SLC35A3: variants seen among roughly 807,000 people sequenced by gnomAD.
SLC35A3 encodes the protein solute carrier family 35 member A3, also known as UDP-N-acetylglucosamine transporter.
In SLC35A3, 26 loss-of-function variants were observed where a neutral mutation model predicts 39.0. That is an observed-to-expected ratio of 0.67 (90% confidence interval 0.49 to 0.92). SLC35A3 has a LOEUF of 0.92. Among genes scored for constraint, SLC35A3 ranks in the 40% least tolerant of loss-of-function variants. The pLI, the probability that SLC35A3 is intolerant of heterozygous loss-of-function variation, is 0.00. For missense variants in SLC35A3, 299 were observed against 371.6 expected (o/e 0.80, Z 1.61); for synonymous variants, 135 against 133.1 (o/e 1.01, Z -0.10).
chr1:99,986,238 C>T (rs1484902197), intron 1 of SLC35A3, among the ~76,000 whole-genome samples: 1 of 147,806 alleles, frequency 6.8e-6, no homozygotes, highest in African/African-American at 2.5e-5. Flanking sequence ...CACCATGGTT[C>T]ACTGCAGCCT....
Position 100,031,313 on chromosome 1 carries a change from T to C in SLC35A3, c.*8837T>C, listed in dbSNP as rs1303564323. 1 of 152,192 alleles carries C rather than the reference T, an allele frequency of 6.6e-6. No homozygotes were observed. The highest frequency in any genetic ancestry group is 6.5e-5 in the Admixed American group (1 of 15,276). The allele number at this position is 152,192 out of a possible 1,614,324, so 9.4% of individuals were successfully genotyped here. A position where few individuals can be genotyped will look rare whatever the true frequency, so the allele number is the denominator to read the frequency against. ...TATACCACCTAAATCCAACCATTAT[T>C]AACATTTTGCCACACTAGCTTTATC... On this transcript the variant is annotated 3_prime_UTR_variant, in exon 8 of 8. Coordinates refer to ENST00000533028, the MANE Select transcript of SLC35A3 (RefSeq NM_012243.3).
chr1:99,979,343 A>T (rs1257823835), intron 1 of SLC35A3, among the ~76,000 whole-genome samples: 1 of 151,628 alleles, frequency 6.6e-6, no homozygotes, highest in Admixed American at 6.6e-5. Flanking sequence ...CATCACTCTA[A>T]TATCACAGGA....
intron 1 of SLC35A3, among the ~76,000 whole-genome samples, chr1:99,975,404 A>G (rs569101223): frequency 7.0e-4 from 106 of 152,240 alleles, no homozygotes; most frequent in Non-Finnish European, 1.3e-3. Flanking sequence ...TGAATAGAAG[A>G]AGGAAATGTA....
intron 1 of SLC35A3, among the ~76,000 whole-genome samples, chr1:99,988,663 G>A (rs1303526899): frequency 6.7e-5 from 7 of 104,524 alleles, no homozygotes; most frequent in African/African-American, 1.1e-4. Flanking sequence ...CCCTCCTCTC[G>A]TTTCTTCCCA....
intron 1 of SLC35A3, among the ~76,000 whole-genome samples, chr1:99,971,795 G>A (rs1016833095): frequency 1.3e-5 from 2 of 152,122 alleles, no homozygotes; most frequent in African/African-American, 4.8e-5. Flanking sequence ...CTTCCTTGCT[G>A]TCTTTGTAGA....
At chr1:99,997,927 G>T (rs1271690946) in intron 2 of SLC35A3, among the ~76,000 whole-genome samples, 1 of 152,028 alleles carries the variant, frequency 6.6e-6, no homozygotes, top group East Asian at 1.9e-4. Flanking sequence ...ACCAAGAAGG[G>T]GTTGGTTCCT....
rs1661091650 is a variant in SLC35A3 at position 100,029,215 on chromosome 1, CGTTAGCAT to C, written c.*6740_*6747del. ...TTCAGGGCCTCACCATAGGTTATCTCGTTAGCATAAACTGTCAAGTGTTGTCTAAGGAA... is the reference window on the plus strand; with the variant it reads ...TTCAGGGCCTCACCATAGGTTATCTCAAACTGTCAAGTGTTGTCTAAGGAA... On this transcript the variant is annotated 3_prime_UTR_variant, in exon 8 of 8. Transcript: ENST00000533028. 1 of 152,072 alleles carries C rather than the reference CGTTAGCAT, an allele frequency of 6.6e-6. No individual in the cohort carries two copies. The highest frequency in any genetic ancestry group is 6.6e-5 in the Admixed American group (1 of 15,250). The allele number at this position is 152,072 out of a possible 1,614,324, so 9.4% of individuals were successfully genotyped here.
At chr1:100,012,423 G>T (rs186903950) in intron 5 of SLC35A3, among the ~76,000 whole-genome samples, 3 of 151,534 alleles carry the variant, frequency 2.0e-5, no homozygotes, top group South Asian at 4.2e-4. Context: ...TTATTATTTG[G>T]TGACTTCATA....
rs1453742646 is a variant in SLC35A3, at chr1:100,023,643, G to A, written c.*1167G>A. 1 of 152,150 alleles carries A rather than the reference G, an allele frequency of 6.6e-6. No individual in the cohort carries two copies. The highest frequency in any genetic ancestry group is 1.5e-5 in the Non-Finnish European group (1 of 68,036). The allele number at this position is 152,150 out of a possible 1,614,324, so 9.4% of individuals were successfully genotyped here. A position where few individuals can be genotyped will look rare whatever the true frequency, so the allele number is the denominator to read the frequency against. On this transcript the variant is annotated 3_prime_UTR_variant, in exon 8 of 8. Transcript: ENST00000533028. ...GAAGATTTTTTTAGGTCTCTCATAA[G>A]CCTATTCTTCCCTGATCACATGAGT... is the stretch of plus-strand genomic sequence containing the variant.
Position 99,997,410 on chromosome 1 carries a change from T to TTATATATA in SLC35A3, c.188-1811_188-1804dup, listed in dbSNP as rs71970416. Among the ~76,000 whole-genome samples, 545 of 91,722 alleles carry TTATATATA rather than the reference T, an allele frequency of 5.9e-3. 20 individuals carry two copies. The highest frequency in any genetic ancestry group is 7.9e-3 in the African/African-American group (147 of 18,590). 60.2% of individuals were successfully genotyped at this position (91,722 alleles called of 152,430 possible). On this transcript the variant is annotated intron_variant, in intron 2 of 7. Coordinates refer to ENST00000533028, the MANE Select transcript of SLC35A3 (RefSeq NM_012243.3). ...ACAGTTATATGTTTTATATATAGTT[T>TTATATATA]TATATATATATATATATATATATAT...
chr1:99,970,582 C>G (rs531151922), intron 1 of SLC35A3: 1 of 1,536,014 alleles, frequency 6.5e-7, no homozygotes, highest in East Asian at 2.4e-5. Context: ...CACAGATGCA[C>G]CCGACCAGCA....
chr1:100,009,350 A>G (rs1659462544), intron 4 of SLC35A3: 1 of 152,250 alleles, frequency 6.6e-6, no homozygotes, highest in Non-Finnish European at 1.5e-5. Flanking sequence ...ACAGATGTCG[A>G]TCTGTGGATA....
chr1:100,017,001 G>T (rs1257977774), intron 6 of SLC35A3, among the ~76,000 whole-genome samples: 1 of 152,196 alleles, frequency 6.6e-6, no homozygotes, highest in African/African-American at 2.4e-5. Flanking sequence ...TCTAAATAAA[G>T]CTTCCATCAT....
chr1:99,973,308 G>A (rs1414217655), intron 1 of SLC35A3, among the ~76,000 whole-genome samples: 3 of 152,158 alleles, frequency 2.0e-5, no homozygotes, highest in African/African-American at 7.2e-5. Context: ...TCATTCATGA[G>A]TATTAATTTA....
intron 1 of SLC35A3, among the ~76,000 whole-genome samples, chr1:99,982,353 A>G (rs554301327): frequency 6.6e-6 from 1 of 152,256 alleles, no homozygotes; most frequent in Non-Finnish European, 1.5e-5. Context: ...TGGTGTTTTG[A>G]GTATTTTAGA....
chr1:99,970,542 C>T (rs1656742758), intron 1 of SLC35A3: 3 of 1,535,644 alleles, frequency 2.0e-6, no homozygotes, highest in East Asian at 2.4e-5. Context: ...ATCCCATGAG[C>T]TCTCGCTCGG....
At chr1:100,001,665 C>G (rs897772744) in intron 3 of SLC35A3, among the ~76,000 whole-genome samples, 1 of 151,978 alleles carries the variant, frequency 6.6e-6, no homozygotes, top group Admixed American at 6.6e-5. Flanking sequence ...TTGACTTCCT[C>G]TTTTCCAGTT....
chr1:100,015,044 G>C (rs1466409662), intron 5 of SLC35A3, among the ~76,000 whole-genome samples: 1 of 151,440 alleles, frequency 6.6e-6, no homozygotes, highest in Non-Finnish European at 1.5e-5. Flanking sequence ...TGTAGTCCCA[G>C]CTACTCGGGA....
intron 1 of SLC35A3, among the ~76,000 whole-genome samples, chr1:99,973,866 T>G (rs556602415): frequency 6.6e-6 from 1 of 152,112 alleles, no homozygotes; most frequent in East Asian, 1.9e-4. Context: ...AATACAAAAA[T>G]TATCCTGGCG....
Sources: allele counts gnomAD v4.1 joint callset (sites outside exome capture counted in the v4.1 genomes callset), GRCh38; gene constraint gnomAD v4.1.1; transcripts MANE v1.5; gene names NCBI Gene and HGNC (gene_info 2026-07-23, HGNC 2026-07-21).